The following RTTN variants were observed in gnomAD, a reference collection of about 807,000 sequenced individuals.
The protein encoded by RTTN is rotatin.
Under a neutral mutation model 269.2 loss-of-function variants are expected in RTTN, and 182 were observed. That is an observed-to-expected ratio of 0.68 (90% CI 0.60 to 0.76). The LOEUF is 0.76. Ranked by LOEUF, RTTN falls within the 30% of genes least tolerant of loss-of-function variation. The pLI, the probability that RTTN is intolerant of heterozygous loss-of-function variation, is 0.00. For missense variants in RTTN, 2,545 were observed against 2,608.6 expected (o/e 0.98, Z 0.53); for synonymous variants, 1,006 against 963.5 (o/e 1.04, Z -0.82).
rs2058707314 is a variant in RTTN at position 70,086,694 on chromosome 18, T to A, written c.4303-10A>T. The A allele has an allele frequency of 4.1e-6, 2 of 487,788 alleles. No individual in the cohort carries two copies. The highest frequency in any genetic ancestry group is 4.6e-5 in the African/African-American group (1 of 21,678). The allele number at this position is 487,788 out of a possible 1,614,324, so 30.2% of individuals were successfully genotyped here. A position where few individuals can be genotyped will look rare whatever the true frequency, so the allele number is the denominator to read the frequency against. On this transcript the variant is annotated splice_polypyrimidine_tract_variant and intron_variant, in intron 31 of 48. Transcript: ENST00000640769. ...GAAGAATAAATGCCGCCTGAAAATG[T>A]AAAAAAAAAAAAAAAAAAAAAAAAA... is the stretch of plus-strand genomic sequence containing the variant.
At chr18:70,032,226 T>C (rs2057035851) in intron 40 of RTTN, among the ~76,000 whole-genome samples, 1 of 152,148 alleles carries the variant, frequency 6.6e-6, no homozygotes, top group African/African-American at 2.4e-5. Flanking sequence ...GCCAATCTGG[T>C]CCACCCTTTG....
At chr18:70,034,124 T>C (rs1405506789) in intron 40 of RTTN, among the ~76,000 whole-genome samples, 2 of 152,026 alleles carry the variant, frequency 1.3e-5, no homozygotes, top group East Asian at 3.9e-4. Flanking sequence ...TTCTACCAGA[T>C]CTATAAAGAA....
chr18:70,121,886 A>G (rs1265091836), intron 25 of RTTN, among the ~76,000 whole-genome samples, 186 bp from the exon 26 acceptor site: 1 of 152,230 alleles, frequency 6.6e-6, no homozygotes, highest in African/African-American at 2.4e-5. Context: ...ACATGAGCTT[A>G]TAGTGGAAAA....
chr18:70,103,127 C>T (rs899147721), intron 28 of RTTN, among the ~76,000 whole-genome samples: 1 of 149,530 alleles, frequency 6.7e-6, no homozygotes, highest in Non-Finnish European at 1.5e-5. Flanking sequence ...GCCGCCACCC[C>T]GTCTGGGAAG....
chr18:70,058,498 A>G (rs1180505423), intron 36 of RTTN, among the ~76,000 whole-genome samples: 2 of 152,226 alleles, frequency 1.3e-5, no homozygotes, highest in Non-Finnish European at 2.9e-5. Flanking sequence ...AGCCTGGGCA[A>G]TAAGAGTGAA....
Position 70,121,604 on chromosome 18 carries a change from A to AT in RTTN, c.3479dup (p.Asn1160LysfsTer16). ...TCCAGTTTAGAAGTTCTAGTGAAGA[A>AT]TTTTTTCTTTGTTCCTTTATTAATT... On this transcript the variant is annotated frameshift_variant, in exon 26 of 49. Coordinates refer to ENST00000640769, the MANE Select transcript of RTTN (RefSeq NM_173630.4). LOFTEE classifies it high-confidence loss of function. 1 of 1,580,824 alleles carries AT rather than the reference A, an allele frequency of 6.3e-7. No homozygotes were observed. Among genetic ancestry groups the AT allele is most frequent in the Non-Finnish European group, 8.5e-7 (1 of 1,170,450 alleles).
rs2056597330 is a variant in RTTN, at chr18:70,018,162, T to A, written c.6154-488A>T. 2.6e-5 allele frequency among the ~76,000 whole-genome samples: 4 copies of A among 152,236 alleles called. No homozygotes were observed. In the South Asian group the frequency reaches 8.3e-4, roughly 32 times the overall value. On this transcript the variant is annotated intron_variant, in intron 45 of 48. Transcript: ENST00000640769. ...TTTTTATCAAATCTATAGATACATC[T>A]TACATTCACTTTATCCCAGGTACTT...
At chr18:70,033,860 C>CAAAAGATCCAAAAAAA in intron 40 of RTTN, among the ~76,000 whole-genome samples, 1 of 27,040 alleles carries the variant, frequency 3.7e-5, no homozygotes, top group Non-Finnish European at 4.8e-4. Context: ...TCCAAATAAA[C>CAAAAGATCCAAAAAAA]ATAATGAGAA....
chr18:70,118,686 A>G (rs768932428), intron 26 of RTTN, among the ~76,000 whole-genome samples: 6 of 152,140 alleles, frequency 3.9e-5, no homozygotes, highest in Non-Finnish European at 7.4e-5. Context: ...AAAATCCTTT[A>G]CCAAATACTG....
At chr18:70,201,836 A>C (rs969568816) in intron 4 of RTTN, 58 bp downstream of exon 4, 48 of 1,033,142 alleles carry the variant, frequency 4.6e-5, no homozygotes, top group African/African-American at 6.5e-5. Context: ...TAACGAAAAA[A>C]GTACATTAAT....
intron 26 of RTTN, among the ~76,000 whole-genome samples, chr18:70,117,554 C>A (rs1362196894): frequency 6.6e-6 from 1 of 151,940 alleles, no homozygotes; most frequent in African/African-American, 2.4e-5. Flanking sequence ...AGGTTTAATA[C>A]CATACAAAAC....
intron 10 of RTTN, among the ~76,000 whole-genome samples, chr18:70,186,381 T>G (rs1195236264): frequency 6.6e-6 from 1 of 152,246 alleles, no homozygotes. Flanking sequence ...GGGTTTGTTA[T>G]AAGTCAGTTT....
intron 11 of RTTN, among the ~76,000 whole-genome samples, chr18:70,170,184 T>C (rs998906096): frequency 1.3e-5 from 2 of 152,172 alleles, no homozygotes; most frequent in African/African-American, 4.8e-5. Context: ...TCACCTATTA[T>C]TCACTCACTC....
intron 3 of RTTN, 72 bp downstream of exon 3, chr18:70,204,014 T>C: frequency 8.4e-7 from 1 of 1,191,122 alleles, no homozygotes; most frequent in South Asian, 1.6e-5. Flanking sequence ...TTTAAAAAAA[T>C]CTAATCTCCC....
chr18:70,174,933 A>G (rs1568513661), intron 11 of RTTN, among the ~76,000 whole-genome samples: 1 of 150,778 alleles, frequency 6.6e-6, no homozygotes, highest in East Asian at 2.0e-4. Flanking sequence ...GAGGCTGAGG[A>G]AGGAGAATCA....
At chr18:70,161,955 G>A (rs545176774) in intron 14 of RTTN, among the ~76,000 whole-genome samples, 32 of 152,270 alleles carry the variant, frequency 2.1e-4, no homozygotes, top group African/African-American at 6.7e-4. Context: ...GTTTGGAGAT[G>A]TCTCAAAGAA....
chr18:70,037,885 C>T (rs1398464837), intron 40 of RTTN, among the ~76,000 whole-genome samples: 1 of 152,270 alleles, frequency 6.6e-6, no homozygotes, highest in Non-Finnish European at 1.5e-5. Context: ...ACTGATTGTC[C>T]TGAAGGGTGA....
intron 8 of RTTN, among the ~76,000 whole-genome samples, chr18:70,191,897 C>T (rs2061680407): frequency 6.6e-6 from 1 of 152,128 alleles, no homozygotes; most frequent in Non-Finnish European, 1.5e-5. Flanking sequence ...AACTTAGAAG[C>T]ATGAAGCACA....
At chr18:70,076,870 C>T (rs994517601) in intron 32 of RTTN, among the ~76,000 whole-genome samples, 2 of 147,636 alleles carry the variant, frequency 1.4e-5, no homozygotes, top group African/African-American at 5.0e-5. Context: ...TAATACATTA[C>T]CTTATTTTAT....
Sources: allele counts gnomAD v4.1 joint callset (sites outside exome capture counted in the v4.1 genomes callset), GRCh38; gene constraint gnomAD v4.1.1; transcripts MANE v1.5; gene names NCBI Gene and HGNC (gene_info 2026-07-23, HGNC 2026-07-21).